METTL8: variants seen among roughly 807,000 people sequenced by gnomAD.
METTL8 encodes the protein methyltransferase 8, tRNA N3-cytidine.
Under a neutral mutation model 48.7 loss-of-function variants are expected in METTL8, and 32 were observed. That is an observed-to-expected ratio of 0.66 (90% CI 0.50 to 0.88). METTL8 has a LOEUF of 0.88. Ranked by LOEUF, METTL8 falls within the 40% of genes least tolerant of loss-of-function variation. METTL8 has a pLI of 0.00. For synonymous variants in METTL8, 136 were observed against 157.1 expected (o/e 0.87, Z 1.01); for missense variants, 464 against 474.4 (o/e 0.98, Z 0.20).
At chr2:171,338,723 A>T (rs1047250797) in intron 4 of METTL8, among the ~76,000 whole-genome samples, 1 of 152,046 alleles carries the variant, frequency 6.6e-6, no homozygotes, top group Non-Finnish European at 1.5e-5. Flanking sequence ...GTGATAAATT[A>T]TCTCCTTGTT....
chr2:171,330,101 G>A (rs1027025913), intron 7 of METTL8, among the ~76,000 whole-genome samples: 10 of 152,142 alleles, frequency 6.6e-5, no homozygotes, highest in African/African-American at 1.9e-4. Flanking sequence ...TGATTCCCTA[G>A]TGTGCTTCTT....
chr2:171,343,015 A>C (rs1686930446), intron 3 of METTL8, among the ~76,000 whole-genome samples: 1 of 152,220 alleles, frequency 6.6e-6, no homozygotes, highest in East Asian at 1.9e-4. Flanking sequence ...TCTACTTAAA[A>C]AAAAAATGTG....
chr2:171,355,946 C>G (rs1179042763), intron 3 of METTL8, among the ~76,000 whole-genome samples: 1 of 152,100 alleles, frequency 6.6e-6, no homozygotes, highest in Non-Finnish European at 1.5e-5. Flanking sequence ...CCTGCTTTGG[C>G]TCATGCTCCG....
intron 1 of METTL8, among the ~76,000 whole-genome samples, chr2:171,403,968 T>C (rs1689892759): frequency 1.3e-5 from 2 of 148,276 alleles, no homozygotes; most frequent in South Asian, 4.3e-4. Context: ...CTCCTCATCC[T>C]GTCTGCAGGG....
At chr2:171,434,521 G>A (rs1693647592), upstream of METTL8, 1 of 1,523,380 alleles carries the variant, frequency 6.6e-7, no homozygotes, top group Admixed American at 2.0e-5. Flanking sequence ...CCCAGCACGG[G>A]AGTGTGGGGC....
intron 1 of METTL8, among the ~76,000 whole-genome samples, chr2:171,420,341 G>C (rs1459672644): frequency 6.6e-6 from 1 of 152,202 alleles, no homozygotes; most frequent in African/African-American, 2.4e-5. Context: ...TTTCAGTAGA[G>C]AGTGGCATGG....
At chr2:171,375,300 T>C (rs1270319910) in intron 2 of METTL8, 8 of 792,474 alleles carry the variant, frequency 1.0e-5, no homozygotes. Context: ...GGACCAGAGA[T>C]ATATGTTTAT....
intron 1 of METTL8, among the ~76,000 whole-genome samples, chr2:171,420,590 A>G (rs184204464): frequency 6.6e-6 from 1 of 152,352 alleles, no homozygotes; most frequent in Admixed American, 6.5e-5. Flanking sequence ...CTGAGCCAGC[A>G]AGAAAGAGAA....
At chr2:171,351,759 CTGTT>C (rs1309569537) in intron 3 of METTL8, among the ~76,000 whole-genome samples, 3 of 152,114 alleles carry the variant, frequency 2.0e-5, no homozygotes, top group East Asian at 1.9e-4. Context: ...ATTTGGCTCT[CTGTT>C]TGTCTGTTAT....
chr2:171,339,522 C>T lies in METTL8; in HGVS notation c.268G>A (p.Asp90Asn), dbSNP rs1349503807. The T allele has an allele frequency of 6.3e-7, 1 of 1,587,840 alleles. No individual in the cohort carries two copies. The highest frequency in any genetic ancestry group is 8.6e-7 in the Non-Finnish European group (1 of 1,159,940). The change falls in exon 4 of 10, where the codon GAC (aspartate) becomes AAC (asparagine). Residue 90 changes from aspartate to asparagine, a missense_variant. By Grantham distance (23) the Asp-to-Asn change is conservative. Coordinates refer to ENST00000375258, the MANE Select transcript of METTL8 (RefSeq NM_001321154.2). ...KYEREASKYW[D>N]TFYKIHKNKF... ...TTCTTATGAATCTTGTAAAATGTGT[C>T]CCAGTATTTACTAGCTTCTCTCTCA...
chr2:171,348,706 T>C (rs965548738), intron 3 of METTL8, among the ~76,000 whole-genome samples: 5 of 152,174 alleles, frequency 3.3e-5, no homozygotes, highest in Non-Finnish European at 2.9e-5. Context: ...TTTCTTGATA[T>C]GGTTGATGTT....
chr2:171,325,739 A>G, intron 9 of METTL8, 102 bp downstream of exon 9: 1 of 712,992 alleles, frequency 1.4e-6, no homozygotes, highest in Non-Finnish European at 2.4e-6. Flanking sequence ...TGCTTAATCA[A>G]TGACTGAAGC....
At chr2:171,376,870 A>T (rs1015499457) in intron 2 of METTL8, among the ~76,000 whole-genome samples, 7 of 152,184 alleles carry the variant, frequency 4.6e-5, no homozygotes, top group Non-Finnish European at 8.8e-5. Flanking sequence ...AGAACCAAAA[A>T]AGAGCCCATA....
At chr2:171,356,093 TTTGGCCATC>T (rs1230994241) in intron 3 of METTL8, among the ~76,000 whole-genome samples, 2 of 152,182 alleles carry the variant, frequency 1.3e-5, no homozygotes, top group African/African-American at 4.8e-5. Context: ...GCTGTTCCTA[TTTGGCCATC>T]TTGGAACCAC....
At chr2:171,369,307 A>AAAC (rs1191083318) in intron 2 of METTL8, among the ~76,000 whole-genome samples, 12 of 152,292 alleles carry the variant, frequency 7.9e-5, no homozygotes, top group South Asian at 2.1e-4. Context: ...CTCTGTCTCA[A>AAAC]AACAACAACA....
chr2:171,419,961 T>C (rs1691711191), intron 1 of METTL8, among the ~76,000 whole-genome samples: 1 of 151,984 alleles, frequency 6.6e-6, no homozygotes. Flanking sequence ...TTGCTTCTCA[T>C]CCTTTCCCCT....
At chr2:171,417,243 TTCTCTTGAATC>T (rs1691402712) in intron 1 of METTL8, among the ~76,000 whole-genome samples, 1 of 152,318 alleles carries the variant, frequency 6.6e-6, no homozygotes, top group East Asian at 1.9e-4. Context: ...TGGTCCTGCT[TTCTCTTGAATC>T]TTTATAATCT....
intron 3 of METTL8, 37 bp downstream of exon 3, chr2:171,360,385 G>C: frequency 1.9e-6 from 3 of 1,577,066 alleles, no homozygotes; most frequent in African/African-American, 1.4e-5. Context: ...AGTCACTAAA[G>C]CTCTGGCTCT....
At chr2:171,325,595 T>A (rs1259539897) in intron 9 of METTL8, among the ~76,000 whole-genome samples, 3 of 152,182 alleles carry the variant, frequency 2.0e-5, no homozygotes, top group Non-Finnish European at 4.4e-5. Flanking sequence ...GGAACAGCCT[T>A]CACCTTCATC....
Sources: gnomAD v4.1 joint callset for allele counts (sites outside exome capture counted in the v4.1 genomes callset) on GRCh38, gnomAD v4.1.1 for gene constraint, MANE v1.5 for transcripts, NCBI Gene and HGNC (gene_info 2026-07-23, HGNC 2026-07-21) for gene names.